Variants in XRCC5 observed in about 807,000 individuals in gnomAD.
The protein encoded by XRCC5 is X-ray repair cross complementing 5, also known as DNA repair protein Ku80.
A neutral mutation model predicts 95.7 loss-of-function variants in XRCC5; 12 were observed. That is an observed-to-expected ratio of 0.13 (90% confidence interval 0.08 to 0.20). The LOEUF (loss-of-function observed/expected upper bound fraction) is 0.20, where lower values mean the gene tolerates loss of function less well. Among genes scored for constraint, XRCC5 ranks in the 10% least tolerant of loss-of-function variants. The pLI, the probability that XRCC5 is intolerant of heterozygous loss-of-function variation, is 1.00. For missense variants in XRCC5, 595 were observed against 873.9 expected (o/e 0.68, Z 4.02); for synonymous variants, 281 against 290.3 (o/e 0.97, Z 0.33).
chr2:216,160,318 T>C lies in XRCC5; in HGVS notation c.1764+157T>C, dbSNP rs41301700. ...CTCTATAGAAGCCAAAAAGACCCAT[T>C]CCATACTTCTTTAAGTAATTATTAT... On this transcript the variant is annotated intron_variant, in intron 15 of 20. Coordinates refer to ENST00000392132, the MANE Select transcript of XRCC5 (RefSeq NM_021141.4). Among the ~76,000 whole-genome samples, 669 of 152,332 alleles carry C rather than the reference T, an allele frequency of 4.4e-3. 3 individuals carry two copies. The highest frequency in any genetic ancestry group is 0.016 in the African/African-American group (646 of 41,582).
chr2:216,137,156 A>G lies in XRCC5; in HGVS notation c.1182A>G (p.Arg394=). The G allele has an allele frequency of 6.2e-7, 1 of 1,614,066 alleles. No homozygotes were observed. The highest frequency in any genetic ancestry group is 8.5e-7 in the Non-Finnish European group (1 of 1,179,940). ...LDDLDMVAIV[R]YAYDKRANPQ... is the part of the protein sequence containing the mutation. ...ACTTAGACATGGTGGCCATAGTTCG[A>G]TATGCTTATGACAAAAGAGCTAATC... is the stretch of plus-strand genomic sequence containing the variant. Residue 394 remains arginine (R), a synonymous_variant, in exon 11 of 21, where the codon CGA becomes CGG. Coordinates refer to ENST00000392132, the MANE Select transcript of XRCC5 (RefSeq NM_021141.4).
intron 16 of XRCC5, among the ~76,000 whole-genome samples, chr2:216,172,518 G>C (rs1314422128): frequency 7.8e-6 from 1 of 128,138 alleles, no homozygotes; most frequent in Admixed American, 8.7e-5. Flanking sequence ...ACCCAGGCTG[G>C]AGCACAGTGG....
At chr2:216,176,871 T>G (rs1006716923) in intron 16 of XRCC5, among the ~76,000 whole-genome samples, 6 of 152,258 alleles carry the variant, frequency 3.9e-5, no homozygotes, top group Admixed American at 3.3e-4. Context: ...GTTTTTTAGC[T>G]TCACACCATA....
chr2:216,117,892 C>A, intron 4 of XRCC5, 98 bp downstream of exon 4: 1 of 1,251,748 alleles, frequency 8.0e-7, no homozygotes, highest in Non-Finnish European at 1.2e-6. Flanking sequence ...GTTAATCAAG[C>A]TGCATGTTTG....
intron 16 of XRCC5, among the ~76,000 whole-genome samples, chr2:216,185,847 A>G (rs1689483629): frequency 6.6e-6 from 1 of 151,196 alleles, no homozygotes; most frequent in African/African-American, 2.4e-5. Context: ...CTGGTCTCGA[A>G]CTCCTGACCT....
intron 14 of XRCC5, among the ~76,000 whole-genome samples, chr2:216,150,193 G>A (rs1363368048): frequency 6.6e-6 from 1 of 152,134 alleles, no homozygotes; most frequent in Non-Finnish European, 1.5e-5. Context: ...TCTAGTGGAG[G>A]GGAGAGGGGC....
At chr2:216,112,943 T>G in intron 1 of XRCC5, 73 bp from the exon 2 acceptor site, 1 of 1,167,798 alleles carries the variant, frequency 8.6e-7, no homozygotes, top group Non-Finnish European at 1.3e-6. Context: ...ATGAATACAA[T>G]AAGCAAGGGA....
chr2:216,195,038 T>C, intron 19 of XRCC5, 52 bp downstream of exon 19: 1 of 1,555,440 alleles, frequency 6.4e-7, no homozygotes, highest in Non-Finnish European at 8.9e-7. Context: ...GTGGACTTTA[T>C]TTTCTTGATA....
In XRCC5 at chr2:216,141,188, G is replaced by A. The variant is rs772908780; in HGVS notation, c.1345G>A (p.Ala449Thr). 16 of 1,613,412 alleles carry A rather than the reference G, an allele frequency of 9.9e-6. No homozygotes were observed. Among genetic ancestry groups the A allele is most frequent in the Non-Finnish European group, 7.6e-6 (9 of 1,179,830 alleles). ...KNSKKYAPTE[A>T]QLNAVDALID... The stretch of plus-strand genomic sequence containing the variant: ...TTCTTTCGGCTTCTCTGTTTAAGAG[G>A]CACAGTTGAATGCTGTTGATGCTTT... The change falls in exon 13 of 21, where the codon GCA (alanine) becomes ACA (threonine). Residue 449 changes from alanine to threonine, a missense_variant and splice_region_variant. Physicochemically the swap from Ala to Thr is moderately conservative, Grantham distance 58. Transcript: ENST00000392132.
chr2:216,125,123 G>A (rs553696709), intron 6 of XRCC5, among the ~76,000 whole-genome samples: 1 of 151,860 alleles, frequency 6.6e-6, no homozygotes, highest in African/African-American at 2.4e-5. Context: ...TTATAGAGTT[G>A]TAAACAGTGA....
At chr2:216,170,074 G>T (rs1024173787) in intron 16 of XRCC5, among the ~76,000 whole-genome samples, 2 of 126,358 alleles carry the variant, frequency 1.6e-5, no homozygotes, top group Non-Finnish European at 3.3e-5. Context: ...AAAAAAAGAT[G>T]CACTTGACCC....
rs41296827 is a variant in XRCC5 at position 216,204,425 on chromosome 2, T to G, written c.2184+29T>G. 4,275 of 1,612,536 alleles carry G rather than the reference T, an allele frequency of 2.7e-3. 102 individuals carry two copies. The African/African-American group carries it at 0.05, about 19-fold the overall frequency. The stretch of plus-strand genomic sequence containing the variant: ...AGTACTTTTAATATGCACCTGGTGT[T>G]CTATGATTGAAGTCACCTGAGCTGT... On this transcript the variant is annotated intron_variant, in intron 20 of 20. Transcript: ENST00000392132.
At chr2:216,117,663 C>A in intron 3 of XRCC5, 83 bp from the exon 4 acceptor site, 1 of 1,439,672 alleles carries the variant, frequency 6.9e-7, no homozygotes, top group Non-Finnish European at 9.8e-7. Context: ...CCACAATTTC[C>A]AGCACGGTGG....
At chr2:216,194,285 T>G (rs1689676051) in intron 18 of XRCC5, among the ~76,000 whole-genome samples, 1 of 152,246 alleles carries the variant, frequency 6.6e-6, no homozygotes, top group South Asian at 2.1e-4. Flanking sequence ...TTGTTTCACT[T>G]AAAGTCACAG....
At chr2:216,168,277 A>C (rs867090197) in intron 16 of XRCC5, among the ~76,000 whole-genome samples, 1 of 152,214 alleles carries the variant, frequency 6.6e-6, no homozygotes. Flanking sequence ...CAGAGAGCCA[A>C]TTCTTGGCCT....
Position 216,130,898 on chromosome 2 carries a change from G to A in XRCC5, c.961G>A (p.Val321Ile). Residue 321 changes from valine to isoleucine, a missense_variant, in exon 9 of 21, where the codon GTT (valine) becomes ATT (isoleucine). Coordinates refer to ENST00000392132, the MANE Select transcript of XRCC5 (RefSeq NM_021141.4). ...IQGFRYGSDI[V>I]PFSKVDEEQM... is the part of the protein sequence containing the mutation. ...AGGGTTCCGCTATGGAAGTGATATA[G>A]TTCCTTTCTCTAAAGTGGATGAGGA... The A allele has an allele frequency of 6.2e-7, 1 of 1,612,754 alleles. No individual in the cohort carries two copies. The highest frequency in any genetic ancestry group is 1.1e-5 in the South Asian group (1 of 90,734).
At chr2:216,171,998 C>G (rs1689173825) in intron 16 of XRCC5, among the ~76,000 whole-genome samples, 1 of 152,154 alleles carries the variant, frequency 6.6e-6, no homozygotes, top group Non-Finnish European at 1.5e-5. Context: ...CCAAAAATTC[C>G]TGGGACCTGT....
chr2:216,184,063 T>A (rs1429343245), intron 16 of XRCC5, among the ~76,000 whole-genome samples: 1 of 110,252 alleles, frequency 9.1e-6, no homozygotes, highest in Admixed American at 1.1e-4. Context: ...TGTGTGTGTG[T>A]GTGTGTGTGT....
At chr2:216,111,527 A>C in intron 1 of XRCC5, 1 of 286,156 alleles carries the variant, frequency 3.5e-6, no homozygotes, top group Non-Finnish European at 7.2e-6. Flanking sequence ...GTCTCAAAAA[A>C]AAGGAAAAAA....
Sources: gnomAD v4.1 joint callset for allele counts (sites outside exome capture counted in the v4.1 genomes callset) on GRCh38, gnomAD v4.1.1 for gene constraint, MANE v1.5 for transcripts, NCBI Gene and HGNC (gene_info 2026-07-23, HGNC 2026-07-21) for gene names.